SESN1: variants seen among roughly 807,000 people sequenced by gnomAD.
SESN1 encodes sestrin 1.
A neutral mutation model predicts 59.3 loss-of-function variants in SESN1; 30 were observed. The observed-to-expected ratio is 0.51, with a 90% confidence interval of 0.38 to 0.69. The LOEUF is 0.69. SESN1 is among the 30% of genes least tolerant of loss of function. The probability of loss-of-function intolerance (pLI) is 0.00; values close to 1 mark genes in which losing one functional copy is unlikely to be tolerated. For missense variants in SESN1, 566 were observed against 673.0 expected, an observed-to-expected ratio of 0.84 and a Z score of 1.76; for synonymous variants, 197 against 219.9, an observed-to-expected ratio of 0.90 and a Z score of 0.92.
chr6:109,035,962 A>G (rs1030638723), intron 1 of SESN1, among the ~76,000 whole-genome samples: 3 of 152,178 alleles, frequency 2.0e-5, no homozygotes, highest in African/African-American at 7.2e-5. Flanking sequence ...TAACTCCCAG[A>G]GCATAGTAAT....
rs1389637936 is a variant in SESN1 at position 108,986,458 on chromosome 6, CTTT to C, written c.*1083_*1085del. On this transcript the variant is annotated 3_prime_UTR_variant, in exon 10 of 10. Transcript: ENST00000436639. ...CAAATAAAATTGGAGAAAAATTCTT[CTTT>C]ATTTAAAAATACCAGTAATACTGAC... 1 of 152,590 alleles carries C rather than the reference CTTT, an allele frequency of 6.6e-6. No homozygotes were observed. Among genetic ancestry groups the C allele is most frequent in the Non-Finnish European group, 1.5e-5 (1 of 68,006 alleles). 9.5% of individuals were successfully genotyped at this position (152,590 alleles called of 1,614,324 possible).
chr6:109,032,923 G>C (rs773115704), intron 1 of SESN1, among the ~76,000 whole-genome samples: 7 of 152,106 alleles, frequency 4.6e-5, no homozygotes, highest in Non-Finnish European at 1.0e-4. Flanking sequence ...TAACAACAGA[G>C]AGCACAGTGC....
chr6:109,093,769 G>A (rs760644181), intron 1 of SESN1, 26 bp downstream of exon 1: 4 of 1,603,894 alleles, frequency 2.5e-6, no homozygotes, highest in Non-Finnish European at 3.4e-6. Context: ...TAGAGACATA[G>A]TTGTATTTAA....
intron 5 of SESN1, among the ~76,000 whole-genome samples, chr6:108,997,003 T>A (rs1443299864): frequency 6.9e-6 from 1 of 145,790 alleles, no homozygotes; most frequent in Non-Finnish European, 1.5e-5. Context: ...ATGGAGAGAG[T>A]AAAGAAATGA....
intron 1 of SESN1, among the ~76,000 whole-genome samples, chr6:109,005,858 A>G (rs981245005): frequency 2.6e-5 from 4 of 152,244 alleles, no homozygotes; most frequent in African/African-American, 7.2e-5. Context: ...GTCTTTTGTT[A>G]TAGATTCTAG....
intron 1 of SESN1, among the ~76,000 whole-genome samples, chr6:109,022,104 T>C (rs534433457): frequency 6.6e-6 from 1 of 152,260 alleles, no homozygotes; most frequent in African/African-American, 2.4e-5. Flanking sequence ...CATATCTTCT[T>C]CCTTTCTCCT....
In SESN1 at chr6:109,003,845, A is replaced by C. The variant is rs750467038; in HGVS notation, c.280-1502T>G. Among the ~76,000 whole-genome samples the C allele has an allele frequency of 3.2e-4, 49 of 152,318 alleles. 1 individual carries two copies. Among genetic ancestry groups the C allele is most frequent in the East Asian group, 5.8e-4 (3 of 5,182 alleles). ...TGCTGAATTTCTCATCCAATTACATACATTTGAAACAATACCTATTGGACA... is the reference window on the plus strand; with the variant it reads ...TGCTGAATTTCTCATCCAATTACATCCATTTGAAACAATACCTATTGGACA... On this transcript the variant is annotated intron_variant, in intron 1 of 9. Coordinates refer to ENST00000436639, the MANE Select transcript of SESN1 (RefSeq NM_014454.3).
rs768870908 is a variant in SESN1 at position 108,994,477 on chromosome 6, A to G, written c.1105T>C (p.Phe369Leu). Residue 369 changes from phenylalanine (F) to leucine (L), a missense_variant, in exon 6 of 10, where the codon TTT (phenylalanine) becomes CTT (leucine). By Grantham distance (22) the Phe-to-Leu change is conservative (BLOSUM62 0). Coordinates refer to ENST00000436639, the MANE Select transcript of SESN1 (RefSeq NM_014454.3). Reference sequence around the variant, plus strand: ...TTGTTCTTACCTGAAGAGAAGACAAACATACTCTCTCTTTTTTCTATTTCA... The same window carrying G: ...TTGTTCTTACCTGAAGAGAAGACAAGCATACTCTCTCTTTTTTCTATTTCA... The part of the protein sequence containing the change: ...RFEIEKRESM[F>L]VFSSDDEEVT... 2 of 1,612,574 alleles carry G rather than the reference A, an allele frequency of 1.2e-6. No homozygotes were observed. Among genetic ancestry groups the G allele is most frequent in the Non-Finnish European group, 8.5e-7 (1 of 1,179,190 alleles).
intron 1 of SESN1, among the ~76,000 whole-genome samples, chr6:109,031,334 C>T (rs1271291193): frequency 6.6e-6 from 1 of 152,164 alleles, no homozygotes; most frequent in Non-Finnish European, 1.5e-5. Context: ...AGTGACTGTG[C>T]ATGAGAAGCT....
chr6:109,046,294 G>A (rs369030978), intron 1 of SESN1, among the ~76,000 whole-genome samples: 5,417 of 150,682 alleles, frequency 0.036, 164 homozygotes, highest in African/African-American at 0.078. Flanking sequence ...TGTGTTGGCC[G>A]GGCCGGTCTC....
chr6:109,009,962 A>T (rs2114344485), intron 1 of SESN1, among the ~76,000 whole-genome samples: 1 of 152,290 alleles, frequency 6.6e-6, no homozygotes, highest in East Asian at 1.9e-4. Context: ...AATTCGATAA[A>T]CTATTGAAAT....
At chr6:108,992,276 TTTTTTA>T (rs927587363) in intron 7 of SESN1, among the ~76,000 whole-genome samples, 5 of 152,100 alleles carry the variant, frequency 3.3e-5, no homozygotes, top group Admixed American at 1.3e-4. Flanking sequence ...TTTTATTTTA[TTTTTTA>T]TTTTTATTTT....
intron 1 of SESN1, among the ~76,000 whole-genome samples, chr6:109,092,197 A>G (rs1346900912): frequency 6.6e-6 from 1 of 152,200 alleles, no homozygotes; most frequent in Non-Finnish European, 1.5e-5. Context: ...CATCTACTAT[A>G]TATACCAGAG....
At chr6:109,003,852 A>C (rs1418108239) in intron 1 of SESN1, among the ~76,000 whole-genome samples, 1 of 152,208 alleles carries the variant, frequency 6.6e-6, no homozygotes, top group African/African-American at 2.4e-5. Context: ...CATACATTTG[A>C]AACAATACCT....
At chr6:108,994,414 A>T (rs751825050) in intron 6 of SESN1, 48 bp downstream of exon 6, 1 of 1,487,354 alleles carries the variant, frequency 6.7e-7, no homozygotes, top group Admixed American at 2.0e-5. Flanking sequence ...TCTAAATAAA[A>T]AGTTGAGTTT....
At chr6:108,989,573 A>C (rs1307866882) in intron 8 of SESN1, among the ~76,000 whole-genome samples, 1 of 131,320 alleles carries the variant, frequency 7.6e-6, no homozygotes, top group African/African-American at 3.0e-5. Context: ...AGATCTAGAG[A>C]TATCTATATA....
At chr6:109,020,663 G>C (rs915113377) in intron 1 of SESN1, among the ~76,000 whole-genome samples, 1 of 152,170 alleles carries the variant, frequency 6.6e-6, no homozygotes, top group Non-Finnish European at 1.5e-5. Flanking sequence ...AGAGGATTTA[G>C]AAGGGATTTT....
At chr6:109,086,037 CATTTT>C (rs1781208287) in intron 1 of SESN1, among the ~76,000 whole-genome samples, 1 of 152,096 alleles carries the variant, frequency 6.6e-6, no homozygotes, top group South Asian at 2.1e-4. Flanking sequence ...AAGTAGTGCC[CATTTT>C]ATTAAAATTT....
At chr6:109,056,682 C>T (rs532704733) in intron 1 of SESN1, among the ~76,000 whole-genome samples, 1 of 152,298 alleles carries the variant, frequency 6.6e-6, no homozygotes, top group South Asian at 2.1e-4. Flanking sequence ...GAGATACAAA[C>T]AGAAGTCTGC....
Sources: allele counts gnomAD v4.1 joint callset (sites outside exome capture counted in the v4.1 genomes callset), GRCh38; gene constraint gnomAD v4.1.1; transcripts MANE v1.5; gene names NCBI Gene and HGNC (gene_info 2026-07-23, HGNC 2026-07-21).